Variants in TTC28 observed in about 807,000 individuals in gnomAD.
TTC28 encodes the protein tetratricopeptide repeat domain 28.
A neutral mutation model predicts 198.0 loss-of-function variants in TTC28; 61 were observed. That is an observed-to-expected ratio of 0.31 (90% CI 0.25 to 0.38). The LOEUF (loss-of-function observed/expected upper bound fraction) is 0.38. Ranked by LOEUF, TTC28 falls within the 10% of genes least tolerant of loss-of-function variation. The pLI is 1.00. For synonymous variants in TTC28, 1,171 were observed against 1,297.8 expected, an observed-to-expected ratio of 0.90 and a Z score of 2.10; for missense variants, 2,678 against 3,164.0, an observed-to-expected ratio of 0.85 and a Z score of 3.69.
At chr22:28,323,648 A>C (rs141100940) in intron 2 of TTC28, among the ~76,000 whole-genome samples, 2 of 152,200 alleles carry the variant, frequency 1.3e-5, no homozygotes, top group Non-Finnish European at 2.9e-5. Flanking sequence ...GAAAAATCTA[A>C]GAGTTATTAG....
chr22:28,144,316 C>T (rs1943409325), intron 6 of TTC28, among the ~76,000 whole-genome samples: 1 of 152,320 alleles, frequency 6.6e-6, no homozygotes, highest in East Asian at 1.9e-4. Flanking sequence ...CCACAGACTC[C>T]TTCTGAGAGA....
chr22:28,097,585 A>C (rs1942015169), intron 10 of TTC28, among the ~76,000 whole-genome samples: 1 of 152,208 alleles, frequency 6.6e-6, no homozygotes, highest in Non-Finnish European at 1.5e-5. Flanking sequence ...AAAAAATGTA[A>C]AGGAATTGTT....
Position 28,105,766 on chromosome 22 carries a change from A to G in TTC28, c.2820T>C (p.Phe940=), listed in dbSNP as rs756830872. 3 of 1,551,636 alleles carry G rather than the reference A, an allele frequency of 1.9e-6. No homozygotes were observed. The highest frequency in any genetic ancestry group is 2.4e-5 in the East Asian group (1 of 40,920). ...MGSLQQALVC[F]EKRLVVAHEL... is the part of the protein sequence containing the mutation. ...CATGAGCAACCACGAGCCTCTTTTC[A>G]AAGCACACAAGGGCTTGCTGCAAGC... The change falls in exon 8 of 23, where the codon TTT becomes TTC. Residue 940 remains phenylalanine (F), a synonymous_variant. Coordinates refer to ENST00000397906, the MANE Select transcript of TTC28 (RefSeq NM_001145418.2).
At chr22:28,056,320 T>C (rs1940286166) in intron 12 of TTC28, 1 of 152,446 alleles carries the variant, frequency 6.6e-6, no homozygotes, top group Non-Finnish European at 1.5e-5. Context: ...TCTCAGGAGA[T>C]CACCATATTG....
chr22:28,270,901 C>T (rs1461995601), intron 5 of TTC28, among the ~76,000 whole-genome samples: 1 of 152,150 alleles, frequency 6.6e-6, no homozygotes, highest in Non-Finnish European at 1.5e-5. Flanking sequence ...AAGCCACTGT[C>T]AATGGCTCTT....
chr22:28,477,592 A>C (rs2048183954), intron 2 of TTC28, among the ~76,000 whole-genome samples: 1 of 152,254 alleles, frequency 6.6e-6, no homozygotes, highest in African/African-American at 2.4e-5. Flanking sequence ...GATTCAAAAC[A>C]AGATGGAAAA....
chr22:27,993,140 A>G lies in TTC28; in HGVS notation c.5476+147T>C, dbSNP rs1937476483. On this transcript the variant is annotated intron_variant, in intron 18 of 22. Transcript: ENST00000397906. Reference sequence around the variant, plus strand: ...TTCCTCCAGGTGTGGAGATGCTTGTATCTGGGACCCCCTGCCATTTCTCAG... The same window carrying G: ...TTCCTCCAGGTGTGGAGATGCTTGTGTCTGGGACCCCCTGCCATTTCTCAG... 1.7e-5 allele frequency: 12 copies of G among 711,846 alleles called. No individual in the cohort carries two copies. In the South Asian group the frequency reaches 1.9e-4, roughly 11 times the overall value. The allele number at this position is 711,846 out of a possible 1,614,324, so 44.1% of individuals were successfully genotyped here.
chr22:28,167,481 G>T (rs1285517352), intron 5 of TTC28, among the ~76,000 whole-genome samples: 1 of 152,184 alleles, frequency 6.6e-6, no homozygotes, highest in East Asian at 1.9e-4. Context: ...CCACGATCAC[G>T]TGGACTTCAT....
At chr22:28,614,797 G>A (rs1052900443) in intron 2 of TTC28, among the ~76,000 whole-genome samples, 1 of 152,102 alleles carries the variant, frequency 6.6e-6, no homozygotes, top group Non-Finnish European at 1.5e-5. Flanking sequence ...ATTAACTCAA[G>A]ATGGATTAAA....
At chr22:28,295,556 T>A (rs938491439) in intron 5 of TTC28, among the ~76,000 whole-genome samples, 11 of 152,172 alleles carry the variant, frequency 7.2e-5, no homozygotes, top group African/African-American at 2.7e-4. Context: ...AAGTTATAAC[T>A]ACCCCCAAGA....
At chr22:28,243,905 A>C (rs1391936297) in intron 5 of TTC28, among the ~76,000 whole-genome samples, 1 of 152,204 alleles carries the variant, frequency 6.6e-6, no homozygotes, top group Non-Finnish European at 1.5e-5. Context: ...TGTGGTAAGC[A>C]CTGTTACAGG....
At chr22:28,131,029 TAAC>T (rs972273859) in intron 6 of TTC28, among the ~76,000 whole-genome samples, 24 of 152,348 alleles carry the variant, frequency 1.6e-4, no homozygotes, top group African/African-American at 4.8e-4. Context: ...TGATTCTGAC[TAAC>T]AATGGCAATA....
chr22:28,443,518 C>T (rs2146234953), intron 2 of TTC28, among the ~76,000 whole-genome samples: 1 of 152,204 alleles, frequency 6.6e-6, no homozygotes, highest in Non-Finnish European at 1.5e-5. Context: ...CTCGAAATGC[C>T]TACCTTCCCT....
chr22:28,094,250 A>C lies in TTC28; in HGVS notation c.3767-5T>G. 1.3e-6 allele frequency: 2 copies of C among 1,541,380 alleles called. No individual in the cohort carries two copies. Among genetic ancestry groups the C allele is most frequent in the Non-Finnish European group, 8.8e-7 (1 of 1,142,628 alleles). ...GTTCATGAAACTTCACAATTCCTGAAGCAAAACAGGCACAGCCAACATTAT... is the reference window on the plus strand; with the variant it reads ...GTTCATGAAACTTCACAATTCCTGACGCAAAACAGGCACAGCCAACATTAT... On this transcript the variant is annotated splice_region_variant and splice_polypyrimidine_tract_variant and intron_variant, in intron 11 of 22. Coordinates refer to ENST00000397906, the MANE Select transcript of TTC28 (RefSeq NM_001145418.2).
At chr22:28,489,303 TA>T (rs11336895) in intron 2 of TTC28, among the ~76,000 whole-genome samples, 115,959 of 148,128 alleles carry the variant, frequency 0.78, 45,412 homozygotes, top group South Asian at 0.85. Context: ...AATTAAAAAT[TA>T]AAAAAAAAAA....
intron 2 of TTC28, among the ~76,000 whole-genome samples, chr22:28,604,501 T>C (rs2050698121): frequency 6.6e-6 from 1 of 151,754 alleles, no homozygotes; most frequent in Non-Finnish European, 1.5e-5. Context: ...CCCAGCACTT[T>C]GGGAGGCCAA....
intron 5 of TTC28, among the ~76,000 whole-genome samples, chr22:28,275,332 A>G (rs1401912687): frequency 6.6e-6 from 1 of 152,224 alleles, no homozygotes; most frequent in Non-Finnish European, 1.5e-5. Context: ...GTTTGCCTCA[A>G]ACATTAAGAC....
At chr22:28,231,691 G>A (rs973673480) in intron 5 of TTC28, among the ~76,000 whole-genome samples, 15 of 152,198 alleles carry the variant, frequency 9.9e-5, no homozygotes, top group African/African-American at 4.8e-5. Context: ...GACCAGGCAT[G>A]GCCATTAGGA....
intron 1 of TTC28, among the ~76,000 whole-genome samples, chr22:28,646,636 G>C (rs896252695): frequency 1.3e-5 from 2 of 152,120 alleles, no homozygotes; most frequent in Non-Finnish European, 2.9e-5. Flanking sequence ...AGGCTGAGAT[G>C]GGGGGATCAC....
Sources: gnomAD v4.1 joint callset for allele counts (sites outside exome capture counted in the v4.1 genomes callset) on GRCh38, gnomAD v4.1.1 for gene constraint, MANE v1.5 for transcripts, NCBI Gene and HGNC (gene_info 2026-07-23, HGNC 2026-07-21) for gene names.